The following SLC39A11 variants were observed in gnomAD, a reference collection of about 807,000 sequenced individuals.
SLC39A11 encodes the protein solute carrier family 39 member 11, also known as zinc transporter ZIP11.
In SLC39A11, 33 loss-of-function variants were observed where a neutral mutation model predicts 36.1. The ratio of observed to expected loss-of-function variants is 0.91; its 90% confidence interval spans 0.69 to 1.22. SLC39A11 has a LOEUF of 1.22. SLC39A11 is among the 50% of genes most tolerant of loss of function. SLC39A11 has a pLI of 0.00. For synonymous variants in SLC39A11, 166 were observed against 170.3 expected, an observed-to-expected ratio of 0.97 and a Z score of 0.20; for missense variants, 432 against 430.3, an observed-to-expected ratio of 1.00 and a Z score of -0.03.
At chr17:73,015,237 C>G (rs961365584) in intron 4 of SLC39A11, among the ~76,000 whole-genome samples, 1 of 152,118 alleles carries the variant, frequency 6.6e-6, no homozygotes, top group African/African-American at 2.4e-5. Context: ...CTCAAACATG[C>G]CTTCCTTTCC....
chr17:73,029,574 C>T (rs189720942), intron 4 of SLC39A11, among the ~76,000 whole-genome samples: 3 of 151,876 alleles, frequency 2.0e-5, no homozygotes, highest in Admixed American at 6.6e-5. Context: ...GAGACAGACA[C>T]GGCCACTCAA....
intron 6 of SLC39A11, among the ~76,000 whole-genome samples, chr17:72,776,139 C>A (rs577418288): frequency 6.6e-6 from 1 of 152,212 alleles, no homozygotes; most frequent in Non-Finnish European, 1.5e-5. Context: ...TGCCAGATGG[C>A]GGATTGGAGG....
chr17:73,011,968 G>A (rs1489711204), intron 4 of SLC39A11, among the ~76,000 whole-genome samples: 1 of 150,020 alleles, frequency 6.7e-6, no homozygotes, highest in Non-Finnish European at 1.5e-5. Context: ...GGCCCTAGTT[G>A]TACATTTTTA....
At chr17:72,963,979 A>T (rs2086799271) in intron 4 of SLC39A11, among the ~76,000 whole-genome samples, 1 of 152,192 alleles carries the variant, frequency 6.6e-6, no homozygotes. Flanking sequence ...GCAAAATATA[A>T]GTTTTAGTCT....
chr17:72,974,587 T>C (rs929133392), intron 4 of SLC39A11, among the ~76,000 whole-genome samples: 2 of 152,210 alleles, frequency 1.3e-5, no homozygotes, highest in African/African-American at 4.8e-5. Flanking sequence ...GTCAAAACGT[T>C]TTTACAAGCT....
At chr17:72,911,416 T>A (rs1445089047) in intron 5 of SLC39A11, among the ~76,000 whole-genome samples, 1 of 83,540 alleles carries the variant, frequency 1.2e-5, no homozygotes, top group Non-Finnish European at 3.4e-5. Context: ...TAAAGTATAA[T>A]TTAAAAAAAA....
chr17:72,971,317 T>TACAC lies in SLC39A11; in HGVS notation c.307-23446_307-23443dup, dbSNP rs533324650. 2.2e-4 allele frequency among the ~76,000 whole-genome samples: 32 copies of TACAC among 144,642 alleles called. No individual in the cohort carries two copies. The Middle Eastern group carries it at 0.011, about 49-fold the overall frequency. 94.9% of individuals were successfully genotyped at this position (144,642 alleles called of 152,430 possible). A position where few individuals can be genotyped will look rare whatever the true frequency, so the allele number is the denominator to read the frequency against. On this transcript the variant is annotated intron_variant, in intron 4 of 9. Coordinates refer to ENST00000255559, the MANE Select transcript of SLC39A11 (RefSeq NM_139177.4). ...ACTGCTCACCCCCTCCACACACACA[T>TACAC]ACACACACACACACACACACTCTCT...
chr17:72,936,683 G>C (rs1417914145), intron 5 of SLC39A11, among the ~76,000 whole-genome samples: 1 of 152,054 alleles, frequency 6.6e-6, no homozygotes, highest in Non-Finnish European at 1.5e-5. Flanking sequence ...GAGAACAGCA[G>C]TTCCCAACCT....
chr17:73,038,943 G>A (rs926762037), intron 3 of SLC39A11, among the ~76,000 whole-genome samples: 3 of 151,922 alleles, frequency 2.0e-5, no homozygotes, highest in African/African-American at 7.2e-5. Flanking sequence ...ACACCAAAAC[G>A]CCAAGACCCA....
At chr17:72,789,117 C>T (rs1208056533) in intron 6 of SLC39A11, among the ~76,000 whole-genome samples, 1 of 151,948 alleles carries the variant, frequency 6.6e-6, no homozygotes, top group East Asian at 1.9e-4. Flanking sequence ...TCACTGCAAC[C>T]TCTGCCTCCC....
intron 4 of SLC39A11, among the ~76,000 whole-genome samples, chr17:73,011,374 C>T (rs2090505950): frequency 6.6e-6 from 1 of 152,248 alleles, no homozygotes. Context: ...CTCTGGGAAG[C>T]ACTCTATGAA....
At chr17:73,045,153 C>G (rs1050272481) in intron 3 of SLC39A11, among the ~76,000 whole-genome samples, 6 of 151,892 alleles carry the variant, frequency 4.0e-5, no homozygotes, top group African/African-American at 1.5e-4. Flanking sequence ...CACTAAGTAC[C>G]TGACAAGGCC....
chr17:72,933,540 G>A (rs536772995), intron 5 of SLC39A11, among the ~76,000 whole-genome samples: 1 of 152,162 alleles, frequency 6.6e-6, no homozygotes, highest in Non-Finnish European at 1.5e-5. Context: ...GTTTTTCTGA[G>A]ATGGAGTCTT....
At chr17:73,045,386 TAAAAAAAAAAA>T (rs374832995) in intron 3 of SLC39A11, among the ~76,000 whole-genome samples, 12 of 41,704 alleles carry the variant, frequency 2.9e-4, no homozygotes, top group South Asian at 2.1e-3. Flanking sequence ...AAAACAGAGT[TAAAAAAAAAAA>T]AAAAAAAAAA....
At position 72,991,432 on chromosome 17, in the gene SLC39A11, A is replaced by C. The variant is rs552080914; in HGVS notation, c.306+40124T>G. ...GGGTGCAGTGGCGTGATCTCGGCTC[A>C]CCACAACCTCCACCTCCCGGGTTGA... On this transcript the variant is annotated intron_variant, in intron 4 of 9. Coordinates refer to ENST00000255559, the MANE Select transcript of SLC39A11 (RefSeq NM_139177.4). Among the ~76,000 whole-genome samples the C allele has an allele frequency of 2.0e-5, 3 of 151,560 alleles. No homozygotes were observed. In the East Asian group the frequency reaches 5.8e-4, roughly 30 times the overall value.
At chr17:72,737,615 G>A (rs1210336321) in intron 6 of SLC39A11, among the ~76,000 whole-genome samples, 1 of 151,998 alleles carries the variant, frequency 6.6e-6, no homozygotes, top group Non-Finnish European at 1.5e-5. Flanking sequence ...TCACCATTAG[G>A]TCCTCATAGT....
At chr17:72,769,812 G>A (rs1025729739) in intron 6 of SLC39A11, among the ~76,000 whole-genome samples, 4 of 152,160 alleles carry the variant, frequency 2.6e-5, no homozygotes, top group African/African-American at 9.7e-5. Flanking sequence ...CAAAGTGCTG[G>A]GATTACACCG....
intron 7 of SLC39A11, among the ~76,000 whole-genome samples, chr17:72,729,457 A>ATTTTTTTTTT (rs55729197): frequency 1.4e-4 from 1 of 7,238 alleles, no homozygotes; most frequent in African/African-American, 3.4e-4. Context: ...ATATATATAT[A>ATTTTTTTTTT]TTTTTTTTTT....
chr17:72,670,826 C>T (rs1302041135), intron 7 of SLC39A11, among the ~76,000 whole-genome samples: 1 of 152,180 alleles, frequency 6.6e-6, no homozygotes, highest in Non-Finnish European at 1.5e-5. Flanking sequence ...TGTATTTTCA[C>T]TCCCTAGTCC....
Sources: allele counts gnomAD v4.1 joint callset (sites outside exome capture counted in the v4.1 genomes callset), GRCh38; gene constraint gnomAD v4.1.1; transcripts MANE v1.5; gene names NCBI Gene and HGNC (gene_info 2026-07-23, HGNC 2026-07-21).